KIF2A: variants seen among roughly 807,000 people sequenced by gnomAD.
KIF2A encodes kinesin-like protein KIF2A.
A neutral mutation model predicts 100.2 loss-of-function variants in KIF2A; 22 were observed. The ratio of observed to expected loss-of-function variants is 0.22; its 90% CI spans 0.16 to 0.31. The LOEUF is 0.31. Ranked by LOEUF, KIF2A falls within the 10% of genes least tolerant of loss-of-function variation. KIF2A has a pLI of 1.00. For synonymous variants in KIF2A, 268 were observed against 285.9 expected (o/e 0.94, Z 0.63); for missense variants, 495 against 898.7 (o/e 0.55, Z 5.74).
chr5:62,378,398 A>G (rs1741634185), intron 19 of KIF2A, among the ~76,000 whole-genome samples: 1 of 152,198 alleles, frequency 6.6e-6, no homozygotes, highest in Non-Finnish European at 1.5e-5. Context: ...TGAAGACTGT[A>G]CAATTGACTG....
chr5:62,323,638 A>G (rs973211662), intron 1 of KIF2A, among the ~76,000 whole-genome samples: 1 of 152,224 alleles, frequency 6.6e-6, no homozygotes, highest in East Asian at 1.9e-4. Context: ...AAAATAATCC[A>G]GTTGTGATAG....
rs766644615 is a variant in KIF2A at position 62,357,676 on chromosome 5, A to C, written c.655-15A>C. On this transcript the variant is annotated splice_polypyrimidine_tract_variant and intron_variant, in intron 7 of 20. Coordinates refer to ENST00000407818, the MANE Select transcript of KIF2A (RefSeq NM_001098511.3). ...ACACTAATAATCACTGAAATAAAAT[A>C]CTTTTTATTTCTAGATTGATGAACA... 3.6e-6 allele frequency: 5 copies of C among 1,397,778 alleles called. No individual in the cohort carries two copies. The Admixed American group carries it at 9.6e-5, about 27-fold the overall frequency. The allele number at this position is 1,397,778 out of a possible 1,614,324, so 86.6% of individuals were successfully genotyped here.
chr5:62,315,637 A>T lies in KIF2A; in HGVS notation c.64+9101A>T, dbSNP rs537636810. Among the ~76,000 whole-genome samples, 149 of 152,328 alleles carry T rather than the reference A, an allele frequency of 9.8e-4. 1 individual carries two copies. The Middle Eastern group carries it at 0.01, about 10-fold the overall frequency. On this transcript the variant is annotated intron_variant, in intron 1 of 20. Coordinates refer to ENST00000407818, the MANE Select transcript of KIF2A (RefSeq NM_001098511.3). ...AAAACAGGCAGAGGGAGGATGATGA[A>T]GAAGATAAGGGAGGAGGGGTAATCT...
Position 62,373,667 on chromosome 5 carries a change from T to C in KIF2A, c.1761-20T>C, listed in dbSNP as rs1741416532. 6.2e-7 allele frequency: 1 copy of C among 1,601,178 alleles called. No individual in the cohort carries two copies. The highest frequency in any genetic ancestry group is 2.2e-5 in the East Asian group (1 of 44,722). On this transcript the variant is annotated intron_variant, in intron 17 of 20. Coordinates refer to ENST00000407818, the MANE Select transcript of KIF2A (RefSeq NM_001098511.3). ...CTGCATGAGTGTTTTTAACTTTAGATACCTCTTATGTATTTATAGGGTCAA... is the reference window on the plus strand; with the variant it reads ...CTGCATGAGTGTTTTTAACTTTAGACACCTCTTATGTATTTATAGGGTCAA...
chr5:62,372,337 C>G (rs1333405436), intron 16 of KIF2A, 101 bp from the exon 17 acceptor site: 1 of 676,768 alleles, frequency 1.5e-6, no homozygotes, highest in Non-Finnish European at 2.6e-6. Flanking sequence ...ATATCAATAT[C>G]CTTTTCTAAA....
intron 1 of KIF2A, among the ~76,000 whole-genome samples, chr5:62,319,978 T>C (rs1457661402): frequency 6.6e-6 from 1 of 152,204 alleles, no homozygotes; most frequent in African/African-American, 2.4e-5. Context: ...GACAAAAATA[T>C]TACTAGCTTC....
At chr5:62,320,970 A>G (rs1580006062) in intron 1 of KIF2A, among the ~76,000 whole-genome samples, 2 of 152,276 alleles carry the variant, frequency 1.3e-5, no homozygotes, top group African/African-American at 4.8e-5. Context: ...ATCTGCCATT[A>G]ATCAACTTTT....
chr5:62,366,902 A>G (rs1218357255), intron 16 of KIF2A, among the ~76,000 whole-genome samples: 2 of 152,164 alleles, frequency 1.3e-5, no homozygotes, highest in Non-Finnish European at 2.9e-5. Context: ...TCAAGAAAAA[A>G]ATGTTTTGCA....
intron 4 of KIF2A, among the ~76,000 whole-genome samples, chr5:62,352,225 C>T (rs1230818809): frequency 1.3e-5 from 2 of 150,930 alleles, no homozygotes; most frequent in South Asian, 2.1e-4. Context: ...AGTTTTAAGA[C>T]GTGGAGCGGT....
At position 62,390,207 on chromosome 5, in the gene KIF2A, T is replaced by G. The variant is rs1240820822; in HGVS notation, c.*4638T>G. ...GACCTTCTGAAAGTTAACATCTTAA[T>G]GATTAAAAACAGTAAGTACAGGTTA... On this transcript the variant is annotated 3_prime_UTR_variant, in exon 21 of 21. Transcript: ENST00000407818. Among the ~76,000 whole-genome samples the G allele has an allele frequency of 2.6e-5, 4 of 152,222 alleles. No individual in the cohort carries two copies. The highest frequency in any genetic ancestry group is 4.4e-5 in the Non-Finnish European group (3 of 68,044).
chr5:62,373,554 A>C (rs1324288337), intron 17 of KIF2A, 133 bp from the exon 18 acceptor site: 1 of 631,282 alleles, frequency 1.6e-6, no homozygotes, highest in East Asian at 3.0e-5. Context: ...GATTTCAGAT[A>C]AATTTTACCT....
intron 1 of KIF2A, among the ~76,000 whole-genome samples, chr5:62,324,901 A>G (rs1406816104): frequency 2.0e-5 from 3 of 152,242 alleles, no homozygotes; most frequent in African/African-American, 7.2e-5. Flanking sequence ...AAAGAAACAG[A>G]GTAAACAGAC....
chr5:62,352,633 C>A lies in KIF2A; in HGVS notation c.380C>A (p.Ser127Tyr). The part of the protein sequence containing the change: ...RARPSQFPEQ[S>Y]SSAQQNGSVS... ...CGGCCCAGTCAATTTCCTGAACAGT[C>A]TTCCTCTGCACAACAGAATGGTAGT... is the stretch of plus-strand genomic sequence containing the variant. The change falls in exon 5 of 21, where the codon TCT (serine) becomes TAT (tyrosine). Residue 127 changes from serine to tyrosine, a missense_variant. Physicochemically the swap from Ser to Tyr is moderately radical, Grantham distance 144. Transcript: ENST00000407818. The A allele has an allele frequency of 6.2e-7, 1 of 1,604,518 alleles. No homozygotes were observed. The highest frequency in any genetic ancestry group is 8.5e-7 in the Non-Finnish European group (1 of 1,174,760).
chr5:62,320,779 A>C (rs1342605743), intron 1 of KIF2A, among the ~76,000 whole-genome samples: 4 of 151,806 alleles, frequency 2.6e-5, no homozygotes. Context: ...TTATAGTTTT[A>C]ACCTAATAAA....
intron 3 of KIF2A, among the ~76,000 whole-genome samples, chr5:62,349,705 G>C (rs1266930526): frequency 6.6e-6 from 1 of 152,118 alleles, no homozygotes; most frequent in African/African-American, 2.4e-5. Context: ...CTATTATTCA[G>C]AAATGATGAT....
At chr5:62,359,107 A>T (rs1748259811) in intron 9 of KIF2A, among the ~76,000 whole-genome samples, 1 of 152,200 alleles carries the variant, frequency 6.6e-6, no homozygotes, top group African/African-American at 2.4e-5. Flanking sequence ...TTAGTACATG[A>T]GATTCTTGTA....
At chr5:62,372,586 T>C (rs750224995) in intron 17 of KIF2A, 35 bp downstream of exon 17, 1 of 1,154,682 alleles carries the variant, frequency 8.7e-7, no homozygotes, top group East Asian at 2.4e-5. Context: ...TGTTTATTTG[T>C]ATACTTTCTT....
intron 1 of KIF2A, among the ~76,000 whole-genome samples, chr5:62,315,529 G>C (rs1745773401): frequency 6.6e-6 from 1 of 152,226 alleles, no homozygotes; most frequent in Non-Finnish European, 1.5e-5. Context: ...CGGTTGCCCT[G>C]AGGGCAAGGA....
At chr5:62,311,992 C>T (rs774525242) in intron 1 of KIF2A, 1 of 152,164 alleles carries the variant, frequency 6.6e-6, no homozygotes, top group Non-Finnish European at 1.5e-5. Flanking sequence ...GGCCAAAGCC[C>T]GAATCCCTTC....
Sources: allele counts gnomAD v4.1 joint callset (sites outside exome capture counted in the v4.1 genomes callset), GRCh38; gene constraint gnomAD v4.1.1; transcripts MANE v1.5; gene names NCBI Gene and HGNC (gene_info 2026-07-23, HGNC 2026-07-21).